The following FRMD5 variants were observed in gnomAD, a reference collection of about 807,000 sequenced individuals.
The protein encoded by FRMD5 is FERM domain containing 5.
A neutral mutation model predicts 69.0 loss-of-function variants in FRMD5; 20 were observed. That is an observed-to-expected ratio of 0.29 (90% CI 0.20 to 0.42). FRMD5 has a LOEUF of 0.42. Among genes scored for constraint, FRMD5 ranks in the 10% least tolerant of loss-of-function variants. The pLI is 1.00. For missense variants in FRMD5, 595 were observed against 708.6 expected (o/e 0.84, Z 1.82); for synonymous variants, 271 against 260.1 (o/e 1.04, Z -0.40).
intron 1 of FRMD5, among the ~76,000 whole-genome samples, chr15:44,003,214 A>C (rs1459463504): frequency 6.6e-6 from 1 of 152,192 alleles, no homozygotes; most frequent in Non-Finnish European, 1.5e-5. Flanking sequence ...TTCAGAATCT[A>C]ACCACATCTT....
chr15:43,923,348 A>G (rs1226997384), intron 2 of FRMD5, among the ~76,000 whole-genome samples: 1 of 152,232 alleles, frequency 6.6e-6, no homozygotes, highest in Non-Finnish European at 1.5e-5. Context: ...ATAACAGGGT[A>G]GCAGAGGGCA....
At chr15:44,035,427 T>C (rs1027698847) in intron 1 of FRMD5, among the ~76,000 whole-genome samples, 2 of 152,202 alleles carry the variant, frequency 1.3e-5, no homozygotes, top group African/African-American at 4.8e-5. Context: ...AAGCAACACG[T>C]CAGACTTTGC....
chr15:44,132,753 TG>T (rs1241124359), intron 1 of FRMD5, among the ~76,000 whole-genome samples: 6 of 113,038 alleles, frequency 5.3e-5, no homozygotes, highest in East Asian at 2.8e-4. Context: ...TATGTATGTA[TG>T]TATGTATGTA....
chr15:43,914,723 CTTTTTTTT>C (rs533023960), intron 4 of FRMD5, among the ~76,000 whole-genome samples: 19 of 109,368 alleles, frequency 1.7e-4, no homozygotes, highest in African/African-American at 1.0e-3. Flanking sequence ...AGGTGACTAC[CTTTTTTTT>C]TTTTTTTTTT....
intron 1 of FRMD5, among the ~76,000 whole-genome samples, chr15:43,983,207 AG>A (rs1218144599): frequency 6.6e-6 from 1 of 152,210 alleles, no homozygotes; most frequent in East Asian, 1.9e-4. Flanking sequence ...TTGGGATTAC[AG>A]GTGTCAGCCA....
chr15:43,964,082 GAAAAT>G lies in FRMD5; in HGVS notation c.103-39778_103-39774del, dbSNP rs746628457. Among the ~76,000 whole-genome samples the G allele has an allele frequency of 1.5e-3, 220 of 151,720 alleles. 1 individual carries two copies. The highest frequency in any genetic ancestry group is 3.8e-3 in the African/African-American group (159 of 41,362). On this transcript the variant is annotated intron_variant, in intron 1 of 13. Transcript: ENST00000417257. Reference sequence around the variant, plus strand: ...AATAATAATAAAAAGAATATCACTAGAAAATAAAATAAAATAAAATAAAATAAAAG... The same window carrying G: ...AATAATAATAAAAAGAATATCACTAGAAAATAAAATAAAATAAAATAAAAG...
intron 1 of FRMD5, among the ~76,000 whole-genome samples, chr15:44,143,890 C>T (rs184155053): frequency 7.1e-4 from 90 of 127,476 alleles, no homozygotes; most frequent in African/African-American, 2.2e-3. Context: ...TGCCACTGCA[C>T]GCCAGTCTGG....
intron 1 of FRMD5, among the ~76,000 whole-genome samples, chr15:44,028,574 G>A (rs532316086): frequency 1.1e-4 from 16 of 152,296 alleles, no homozygotes; most frequent in African/African-American, 2.4e-4. Flanking sequence ...GGTTTCCTGA[G>A]CCCCCATAGT....
chr15:43,976,142 A>G (rs1471929074), intron 1 of FRMD5, among the ~76,000 whole-genome samples: 1 of 151,932 alleles, frequency 6.6e-6, no homozygotes, highest in Non-Finnish European at 1.5e-5. Context: ...AAAGTGGATC[A>G]TAGACCAAAA....
chr15:44,168,578 T>C (rs1174445126), intron 1 of FRMD5, among the ~76,000 whole-genome samples: 1 of 151,740 alleles, frequency 6.6e-6, no homozygotes, highest in Non-Finnish European at 1.5e-5. Context: ...ATGTAAAAAC[T>C]TTTCTTTAAC....
At chr15:43,935,631 A>G (rs547008845) in intron 1 of FRMD5, among the ~76,000 whole-genome samples, 34 of 152,304 alleles carry the variant, frequency 2.2e-4, no homozygotes, top group African/African-American at 8.2e-4. Context: ...GAGAGCAAAC[A>G]GAGGAGGCAA....
intron 1 of FRMD5, among the ~76,000 whole-genome samples, chr15:44,055,361 T>C (rs1171975421): frequency 6.6e-6 from 1 of 152,202 alleles, no homozygotes; most frequent in Non-Finnish European, 1.5e-5. Context: ...GAGTCTTTTA[T>C]AACTTGATTT....
intron 1 of FRMD5, among the ~76,000 whole-genome samples, chr15:44,054,209 G>A (rs917307783): frequency 1.3e-5 from 2 of 152,200 alleles, no homozygotes; most frequent in African/African-American, 2.4e-5. Flanking sequence ...ATGACAAACA[G>A]TGTTGTTTTA....
rs75478230 is a variant in FRMD5, at chr15:44,124,736, A to G, written c.102+70217T>C. ...ATAATAATTTTAAAAAGATGTTCTT[A>G]GACATGCTATTTAAAACAGTGAAAA... On this transcript the variant is annotated intron_variant, in intron 1 of 13. Coordinates refer to ENST00000417257, the MANE Select transcript of FRMD5 (RefSeq NM_032892.5). 3.4e-3 allele frequency among the ~76,000 whole-genome samples: 511 copies of G among 152,284 alleles called. 3 individuals are homozygous for G. The highest frequency in any genetic ancestry group is 0.012 in the African/African-American group (503 of 41,564).
rs191633661 is a variant in FRMD5 at position 43,938,591 on chromosome 15, A to G, written c.103-14282T>C. ...GTAGCTATGCACATATATACAGCCC[A>G]TTGCTTGAATTCTTTTCTGAACTCT... On this transcript the variant is annotated intron_variant, in intron 1 of 13. Coordinates refer to ENST00000417257, the MANE Select transcript of FRMD5 (RefSeq NM_032892.5). Among the ~76,000 whole-genome samples, 411 of 152,310 alleles carry G rather than the reference A, an allele frequency of 2.7e-3. 12 individuals carry two copies. The highest frequency in any genetic ancestry group is 5.7e-4 in the Non-Finnish European group (39 of 68,032).
intron 10 of FRMD5, 62 bp from the exon 11 acceptor site, chr15:43,885,817 G>A: frequency 7.9e-7 from 1 of 1,265,010 alleles, no homozygotes; most frequent in South Asian, 1.2e-5. Flanking sequence ...GGTTAAGGCA[G>A]CACATCCCCA....
chr15:44,012,862 G>A (rs532224954), intron 1 of FRMD5, among the ~76,000 whole-genome samples: 1 of 151,124 alleles, frequency 6.6e-6, no homozygotes, highest in Admixed American at 6.6e-5. Flanking sequence ...TGCTTCCCCG[G>A]TTCAAGGGAT....
intron 1 of FRMD5, among the ~76,000 whole-genome samples, chr15:44,144,904 G>T (rs1437042777): frequency 6.6e-6 from 1 of 152,164 alleles, no homozygotes; most frequent in African/African-American, 2.4e-5. Flanking sequence ...GGTCCTAAGT[G>T]CAGGGTTGGT....
At chr15:43,936,430 G>A (rs551918642) in intron 1 of FRMD5, among the ~76,000 whole-genome samples, 126 of 152,150 alleles carry the variant, frequency 8.3e-4, no homozygotes, top group Non-Finnish European at 1.4e-3. Context: ...GGCTCAAGGG[G>A]TCCTTCTGCC....
Sources: allele counts gnomAD v4.1 joint callset (sites outside exome capture counted in the v4.1 genomes callset), GRCh38; gene constraint gnomAD v4.1.1; transcripts MANE v1.5; gene names NCBI Gene and HGNC (gene_info 2026-07-23, HGNC 2026-07-21).